Variants in RUFY1 observed in about 807,000 individuals in gnomAD.
The protein encoded by RUFY1 is RUN and FYVE domain-containing protein 1.
In RUFY1, 54 loss-of-function variants were observed where a neutral mutation model predicts 94.6. The observed-to-expected ratio is 0.57, with a 90% confidence interval of 0.46 to 0.72. The LOEUF (loss-of-function observed/expected upper bound fraction) is 0.72. RUFY1 is among the 30% of genes least tolerant of loss of function. The pLI, the probability that RUFY1 is intolerant of heterozygous loss-of-function variation, is 0.00. For missense variants in RUFY1, 883 were observed against 883.9 expected, an observed-to-expected ratio of 1.00 and a Z score of 0.01; for synonymous variants, 396 against 347.3, an observed-to-expected ratio of 1.14 and a Z score of -1.56.
rs538199510 is a variant in RUFY1 at position 179,567,931 on chromosome 5, T to C, written c.704+369T>C. ...AAAAATAATAATTAGAACATAGTTC[T>C]GTAGATCATTTTGAATTAAAATAAG... On this transcript the variant is annotated intron_variant, in intron 4 of 17. Transcript: ENST00000319449. Among the ~76,000 whole-genome samples, 282 of 151,976 alleles carry C rather than the reference T, an allele frequency of 1.9e-3. 1 individual carries two copies. The highest frequency in any genetic ancestry group is 6.6e-3 in the African/African-American group (272 of 41,424).
intron 4 of RUFY1, 61 bp from the exon 5 acceptor site, chr5:179,569,241 G>A: frequency 1.2e-6 from 2 of 1,611,338 alleles, no homozygotes; most frequent in East Asian, 2.2e-5. Context: ...TCAGGGTGGG[G>A]AAGGAGTGGG....
intron 17 of RUFY1, chr5:179,608,193 T>G (rs1036819755): frequency 1.7e-5 from 10 of 594,342 alleles, no homozygotes; most frequent in South Asian, 7.3e-5. Context: ...AGGGGAAGAG[T>G]TGGGTATAAG....
At chr5:179,553,045 C>T (rs1761935744) in intron 1 of RUFY1, among the ~76,000 whole-genome samples, 3 of 152,222 alleles carry the variant, frequency 2.0e-5, no homozygotes, top group Admixed American at 6.5e-5. Flanking sequence ...GTATCCCATG[C>T]TTGAAATTCT....
At chr5:179,601,854 ATC>A in intron 14 of RUFY1, 36 bp from the exon 15 acceptor site, 1 of 1,286,834 alleles carries the variant, frequency 7.8e-7, no homozygotes, top group South Asian at 1.2e-5. Flanking sequence ...GGACCGTGTA[ATC>A]CTCTGTCCAG....
chr5:179,560,545 C>T (rs1271789763), intron 2 of RUFY1, among the ~76,000 whole-genome samples: 1 of 145,846 alleles, frequency 6.9e-6, no homozygotes, highest in Non-Finnish European at 1.5e-5. Context: ...CGGTGAAACC[C>T]GGTCTCTACT....
intron 17 of RUFY1, chr5:179,608,211 G>A: frequency 1.2e-6 from 1 of 810,540 alleles, no homozygotes; most frequent in Non-Finnish European, 1.5e-6. Flanking sequence ...AAGCAAAACT[G>A]GGAGCTAAAG....
chr5:179,554,740 G>A (rs992742580), intron 1 of RUFY1, among the ~76,000 whole-genome samples: 3 of 151,344 alleles, frequency 2.0e-5, no homozygotes, highest in South Asian at 4.2e-4. Context: ...GGCCGAGGCG[G>A]GCGGATCATT....
chr5:179,591,279 G>T (rs1765069299), intron 9 of RUFY1, among the ~76,000 whole-genome samples: 1 of 151,894 alleles, frequency 6.6e-6, no homozygotes, highest in South Asian at 2.1e-4. Flanking sequence ...CTGCCTCCCG[G>T]GTTCACGCCA....
Position 179,563,775 on chromosome 5 carries a change from G to C in RUFY1, c.602+1111G>C, listed in dbSNP as rs534229254. Among the ~76,000 whole-genome samples, 21 of 152,084 alleles carry C rather than the reference G, an allele frequency of 1.4e-4. No homozygotes were observed. The East Asian group carries it at 4.1e-3, about 29-fold the overall frequency. On this transcript the variant is annotated intron_variant, in intron 3 of 17. Coordinates refer to ENST00000319449, the MANE Select transcript of RUFY1 (RefSeq NM_025158.5). ...CAACCTCCGCTTCCTAGGTTCAAGCGATTCTCATGCCTCAGCCTCCTGAGT... is the reference window on the plus strand; with the variant it reads ...CAACCTCCGCTTCCTAGGTTCAAGCCATTCTCATGCCTCAGCCTCCTGAGT...
At chr5:179,579,843 A>T (rs1299393210) in intron 6 of RUFY1, among the ~76,000 whole-genome samples, 4 of 149,666 alleles carry the variant, frequency 2.7e-5, no homozygotes, top group Non-Finnish European at 5.9e-5. Flanking sequence ...TTTTGTGTGT[A>T]TTTTTAGTAG....
intron 2 of RUFY1, 33 bp downstream of exon 2, chr5:179,560,231 G>A (rs1438917244): frequency 6.2e-7 from 1 of 1,603,282 alleles, no homozygotes; most frequent in East Asian, 2.2e-5. Flanking sequence ...GAGCGTGGAA[G>A]TTCGGGCTGG....
At chr5:179,555,986 C>T (rs1217844026) in intron 1 of RUFY1, among the ~76,000 whole-genome samples, 1 of 152,014 alleles carries the variant, frequency 6.6e-6, no homozygotes, top group African/African-American at 2.4e-5. Flanking sequence ...GCATGAGACA[C>T]TGCTCCCAGC....
chr5:179,567,653 C>T (rs1038819425), intron 4 of RUFY1, 91 bp downstream of exon 4: 4 of 827,476 alleles, frequency 4.8e-6, no homozygotes, highest in Non-Finnish European at 7.9e-6. Flanking sequence ...AATCCCAGCA[C>T]TTTGGGAGGC....
At chr5:179,594,041 A>C (rs1433495658) in intron 11 of RUFY1, among the ~76,000 whole-genome samples, 1 of 152,208 alleles carries the variant, frequency 6.6e-6, no homozygotes, top group East Asian at 1.9e-4. Flanking sequence ...ACGGTGGCTC[A>C]CGCTTGTAAT....
At chr5:179,597,911 C>T (rs760875898) in intron 13 of RUFY1, among the ~76,000 whole-genome samples, 14 of 152,004 alleles carry the variant, frequency 9.2e-5, no homozygotes, top group Middle Eastern at 3.4e-3. Context: ...AGAATGAGGC[C>T]GGGCGCGGTG....
chr5:179,609,777 A>C lies in RUFY1; in HGVS notation c.*258A>C. 1 of 402,176 alleles carries C rather than the reference A, an allele frequency of 2.5e-6. No individual in the cohort carries two copies. Among genetic ancestry groups the C allele is most frequent in the Non-Finnish European group, 4.4e-6 (1 of 226,456 alleles). 24.9% of individuals were successfully genotyped at this position (402,176 alleles called of 1,614,324 possible). On this transcript the variant is annotated 3_prime_UTR_variant, in exon 18 of 18. Transcript: ENST00000319449. Reference sequence around the variant, plus strand: ...GCTCTGGTTCAGATACAACTTCATGATTTTGCTACTATCATTTTTCACTTT... The same window carrying C: ...GCTCTGGTTCAGATACAACTTCATGCTTTTGCTACTATCATTTTTCACTTT...
At chr5:179,565,389 G>C (rs1211539043) in intron 3 of RUFY1, among the ~76,000 whole-genome samples, 2 of 151,772 alleles carry the variant, frequency 1.3e-5, no homozygotes, top group Non-Finnish European at 2.9e-5. Flanking sequence ...GTGTTGGCCA[G>C]GCTAGTCTCA....
intron 13 of RUFY1, 46 bp from the exon 14 acceptor site, chr5:179,598,646 G>C: frequency 6.2e-7 from 1 of 1,610,600 alleles, no homozygotes; most frequent in East Asian, 2.2e-5. Flanking sequence ...AATCTTCCGT[G>C]AAAGTCTCCC....
chr5:179,573,400 ATATACATAATAG>A (rs1763364473), intron 5 of RUFY1, among the ~76,000 whole-genome samples: 1 of 152,230 alleles, frequency 6.6e-6, no homozygotes, highest in African/African-American at 2.4e-5. Flanking sequence ...ATACATAATC[ATATACATAATAG>A]TATACATAAA....
Sources: allele counts gnomAD v4.1 joint callset (sites outside exome capture counted in the v4.1 genomes callset), GRCh38; gene constraint gnomAD v4.1.1; transcripts MANE v1.5; gene names NCBI Gene and HGNC (gene_info 2026-07-23, HGNC 2026-07-21).